LYST: variants seen among roughly 807,000 people sequenced by gnomAD.
LYST encodes lysosomal trafficking regulator.
A neutral mutation model predicts 413.6 loss-of-function variants in LYST; 192 were observed. The observed-to-expected ratio is 0.46, with a 90% confidence interval of 0.41 to 0.52. The LOEUF (loss-of-function observed/expected upper bound fraction) is 0.52, where lower values mean the gene tolerates loss of function less well. Ranked by LOEUF, LYST falls within the 20% of genes least tolerant of loss-of-function variation. LYST has a pLI of 0.00. For missense variants in LYST, 3,815 were observed against 4,499.9 expected, an observed-to-expected ratio of 0.85 and a Z score of 4.35; for synonymous variants, 1,525 against 1,567.3, an observed-to-expected ratio of 0.97 and a Z score of 0.64.
At chr1:235,784,926 A>G (rs912385420) in intron 14 of LYST, among the ~76,000 whole-genome samples, 2 of 152,248 alleles carry the variant, frequency 1.3e-5, no homozygotes, top group Non-Finnish European at 2.9e-5. Flanking sequence ...TTAGGCTTCA[A>G]TTACGTATTT....
At chr1:235,827,647 C>T (rs1376401016) in intron 3 of LYST, 1 of 984,604 alleles carries the variant, frequency 1.0e-6, no homozygotes, top group Non-Finnish European at 1.2e-6. Context: ...TTTTAAATGG[C>T]TATTTATTTT....
chr1:235,803,408 A>ATATAT (rs1184060779), intron 7 of LYST, among the ~76,000 whole-genome samples: 1 of 152,148 alleles, frequency 6.6e-6, no homozygotes, highest in Admixed American at 6.5e-5. Flanking sequence ...TAATACTAAT[A>ATATAT]TATATTATTT....
intron 28 of LYST, among the ~76,000 whole-genome samples, chr1:235,747,725 C>T (rs1242717643): frequency 6.6e-6 from 1 of 152,134 alleles, no homozygotes; most frequent in Non-Finnish European, 1.5e-5. Flanking sequence ...AGTAAGTCTT[C>T]TTTAGTACTA....
intron 1 of LYST, among the ~76,000 whole-genome samples, chr1:235,837,592 A>G (rs746505273): frequency 2.0e-4 from 31 of 151,246 alleles, no homozygotes; most frequent in Non-Finnish European, 3.5e-4. Context: ...GAGCCACCGC[A>G]TACCAGCCTG....
intron 21 of LYST, among the ~76,000 whole-genome samples, chr1:235,763,862 T>C (rs1417462245): frequency 6.6e-6 from 1 of 152,154 alleles, no homozygotes; most frequent in Non-Finnish European, 1.5e-5. Context: ...TTCTAAATGG[T>C]ATCCTTGATG....
At chr1:235,811,552 A>G (rs1048843963) in intron 4 of LYST, among the ~76,000 whole-genome samples, 1 of 152,314 alleles carries the variant, frequency 6.6e-6, no homozygotes, top group Admixed American at 6.5e-5. Flanking sequence ...CGTATGGTCA[A>G]CACTCAGTAA....
chr1:235,788,779 A>C lies in LYST; in HGVS notation c.4610T>G (p.Ile1537Ser). 1 of 1,613,384 alleles carries C rather than the reference A, an allele frequency of 6.2e-7. No individual in the cohort carries two copies. The highest frequency in any genetic ancestry group is 8.5e-7 in the Non-Finnish European group (1 of 1,179,404). ...PGERLIEEGC[I>S]HIISLGSKAL... ...TTTGGATCCCAGTGAAATTATATGA[A>C]TACATCCTTCTTCTATGAGTCTTTC... The change falls in exon 13 of 53, where the codon ATT becomes AGT. Residue 1537 changes from isoleucine to serine, a missense_variant. Coordinates refer to ENST00000389793, the MANE Select transcript of LYST (RefSeq NM_000081.4).
chr1:235,727,658 A>G (rs1334230831), intron 38 of LYST, among the ~76,000 whole-genome samples: 1 of 152,158 alleles, frequency 6.6e-6, no homozygotes, highest in Non-Finnish European at 1.5e-5. Context: ...AATAATAACA[A>G]TTATCATTAT....
chr1:235,818,726 A>G (rs1261122840), intron 3 of LYST, among the ~76,000 whole-genome samples: 1 of 152,180 alleles, frequency 6.6e-6, no homozygotes, highest in Non-Finnish European at 1.5e-5. Flanking sequence ...GTGAACTAAT[A>G]GCATTCTAAT....
chr1:235,760,334 A>T (rs968601783), intron 22 of LYST, among the ~76,000 whole-genome samples: 3 of 152,206 alleles, frequency 2.0e-5, no homozygotes, highest in Admixed American at 6.5e-5. Flanking sequence ...GTGCTCAAAA[A>T]ATGGTAGTAC....
intron 1 of LYST, among the ~76,000 whole-genome samples, chr1:235,880,731 T>C (rs935716022): frequency 6.6e-6 from 1 of 152,206 alleles, no homozygotes; most frequent in Non-Finnish European, 1.5e-5. Flanking sequence ...CCAGAACCTA[T>C]CTTGTCACCC....
intron 12 of LYST, chr1:235,791,441 G>C (rs972812629): frequency 1.1e-5 from 5 of 441,646 alleles, no homozygotes; most frequent in Non-Finnish European, 2.1e-5. Flanking sequence ...GGAACTTTAG[G>C]GGCTGATGAC....
chr1:235,873,500 C>A (rs1681023812), intron 1 of LYST, among the ~76,000 whole-genome samples: 1 of 152,142 alleles, frequency 6.6e-6, no homozygotes, highest in Admixed American at 6.5e-5. Flanking sequence ...TAGAGATAAT[C>A]ATTAGTAATT....
chr1:235,732,670 T>C (rs941331727), intron 34 of LYST, among the ~76,000 whole-genome samples: 3 of 152,220 alleles, frequency 2.0e-5, no homozygotes, highest in African/African-American at 7.2e-5. Flanking sequence ...AAATGTGGTA[T>C]CTAGAGGTTC....
At chr1:235,675,273 T>A (rs1340647236) in intron 50 of LYST, among the ~76,000 whole-genome samples, 1 of 152,204 alleles carries the variant, frequency 6.6e-6, no homozygotes, top group East Asian at 1.9e-4. Context: ...CTTCCTGCCT[T>A]AGCAACAGTC....
rs772632671 is a variant in LYST at position 235,808,807 on chromosome 1, A to G, written c.2011T>C (p.Ser671Pro). 1 of 1,614,020 alleles carries G rather than the reference A, an allele frequency of 6.2e-7. No homozygotes were observed. Among genetic ancestry groups the G allele is most frequent in the Admixed American group, 1.7e-5 (1 of 59,996 alleles). Residue 671 changes from serine (S) to proline (P), a missense_variant, in exon 5 of 53, where the codon TCT (serine) becomes CCT (proline). Transcript: ENST00000389793. The stretch of plus-strand genomic sequence containing the variant: ...GGCAGGATCCCTTGAAATCTGTAAG[A>G]AGGACTGGATAAACTTGAGGAGAGT... ...AELSSSLSSP[S>P]YRFQGILPSS...
At chr1:235,861,287 A>G (rs1558356586) in intron 1 of LYST, among the ~76,000 whole-genome samples, 1 of 152,182 alleles carries the variant, frequency 6.6e-6, no homozygotes, top group Non-Finnish European at 1.5e-5. Context: ...CTTGATTAAG[A>G]TAATCAATTT....
At chr1:235,781,121 A>G in intron 15 of LYST, 66 bp from the exon 16 acceptor site, 1 of 958,116 alleles carries the variant, frequency 1.0e-6, no homozygotes, top group Non-Finnish European at 1.7e-6. Flanking sequence ...ATAAAAAGCA[A>G]GAAACCAGGA....
intron 3 of LYST, among the ~76,000 whole-genome samples, chr1:235,813,457 T>C (rs1673672121): frequency 6.6e-6 from 1 of 152,142 alleles, no homozygotes; most frequent in South Asian, 2.1e-4. Flanking sequence ...CTTCATGCAG[T>C]TAAATGAAAA....
Sources: allele counts gnomAD v4.1 joint callset (sites outside exome capture counted in the v4.1 genomes callset), GRCh38; gene constraint gnomAD v4.1.1; transcripts MANE v1.5; gene names NCBI Gene and HGNC (gene_info 2026-07-23, HGNC 2026-07-21).